Variants in RICTOR observed in about 807,000 individuals in gnomAD.
RICTOR encodes rapamycin-insensitive companion of mTOR.
A neutral mutation model predicts 214.9 loss-of-function variants in RICTOR; 49 were observed. That is an observed-to-expected ratio of 0.23 (90% CI 0.18 to 0.29). RICTOR has a LOEUF of 0.29. Among genes scored for constraint, RICTOR ranks in the 10% least tolerant of loss-of-function variants. RICTOR has a pLI of 1.00. For missense variants in RICTOR, 1,625 were observed against 2,047.0 expected (o/e 0.79, Z 3.98); for synonymous variants, 717 against 711.3 (o/e 1.01, Z -0.13).
At chr5:39,004,500 C>A (rs1020477746) in intron 3 of RICTOR, among the ~76,000 whole-genome samples, 3 of 150,688 alleles carry the variant, frequency 2.0e-5, no homozygotes, top group African/African-American at 7.3e-5. Flanking sequence ...CACTCTGTCA[C>A]CCAGGCTGGA....
At chr5:38,994,419 TAA>T (rs869254811) in intron 6 of RICTOR, among the ~76,000 whole-genome samples, 1,678 of 56,996 alleles carry the variant, frequency 0.029, 19 homozygotes, top group Middle Eastern at 0.037. Context: ...AAGGTTTTAC[TAA>T]AAAAAAAAAA....
At chr5:38,994,233 T>C (rs1476185817) in intron 6 of RICTOR, among the ~76,000 whole-genome samples, 1 of 151,214 alleles carries the variant, frequency 6.6e-6, no homozygotes, top group Non-Finnish European at 1.5e-5. Context: ...TCAGGATATG[T>C]GTACAAGGTG....
At chr5:39,048,710 G>C (rs1321161892) in intron 2 of RICTOR, among the ~76,000 whole-genome samples, 1 of 152,096 alleles carries the variant, frequency 6.6e-6, no homozygotes, top group Non-Finnish European at 1.5e-5. Context: ...GAGTTCTAGT[G>C]AATCACTGAA....
chr5:39,060,264 A>T (rs1758453877), intron 2 of RICTOR, among the ~76,000 whole-genome samples: 1 of 152,114 alleles, frequency 6.6e-6, no homozygotes. Flanking sequence ...AATTCAAAGT[A>T]TGTATCATCA....
In RICTOR at chr5:38,978,610, C is replaced by A. The variant is rs2150054964; in HGVS notation, c.794G>T (p.Ser265Ile). 6.4e-7 allele frequency: 1 copy of A among 1,572,154 alleles called. No homozygotes were observed. Among genetic ancestry groups the A allele is most frequent in the Non-Finnish European group, 8.7e-7 (1 of 1,148,258 alleles). ...GAGCTGTCCTTCAGCTGTATCTGGACTATGTCTGTAGTGAAAATCAGTATA... is the reference window on the plus strand; with the variant it reads ...GAGCTGTCCTTCAGCTGTATCTGGAATATGTCTGTAGTGAAAATCAGTATA... ...APYTDFHYRH[S>I]PDTAEGQLKE... The change falls in exon 9 of 38, where the codon AGT becomes ATT. Residue 265 changes from serine (S) to isoleucine (I), a missense_variant. Ser to Ile is a moderately radical substitution (Grantham distance 142, BLOSUM62 -2). Coordinates refer to ENST00000357387, the MANE Select transcript of RICTOR (RefSeq NM_152756.5).
chr5:38,996,366 G>A (rs1014806170), intron 6 of RICTOR, among the ~76,000 whole-genome samples: 1 of 151,978 alleles, frequency 6.6e-6, no homozygotes, highest in African/African-American at 2.4e-5. Context: ...CCTGTACAAG[G>A]GCCTGAATTG....
intron 2 of RICTOR, among the ~76,000 whole-genome samples, chr5:39,047,924 A>T (rs1233767171): frequency 6.6e-6 from 1 of 152,248 alleles, no homozygotes; most frequent in Non-Finnish European, 1.5e-5. Context: ...TGAAGTATAA[A>T]TTTAGATCTT....
At chr5:38,988,724 T>C (rs1028536116) in intron 7 of RICTOR, among the ~76,000 whole-genome samples, 7 of 152,090 alleles carry the variant, frequency 4.6e-5, no homozygotes, top group Non-Finnish European at 8.8e-5. Context: ...ACACCAATAA[T>C]AGACAGAGAG....
intron 6 of RICTOR, among the ~76,000 whole-genome samples, chr5:38,994,575 G>A (rs1366807417): frequency 1.3e-5 from 2 of 152,158 alleles, no homozygotes; most frequent in East Asian, 3.9e-4. Flanking sequence ...AAAGCCCTGT[G>A]CCACAATTCT....
intron 2 of RICTOR, among the ~76,000 whole-genome samples, chr5:39,028,478 G>A (rs1406350627): frequency 1.3e-5 from 2 of 152,058 alleles, no homozygotes; most frequent in Non-Finnish European, 2.9e-5. Flanking sequence ...CACCGCGCCC[G>A]GCCTGGAATT....
In RICTOR at chr5:38,987,446, G is replaced by A. The variant is rs145722608; in HGVS notation, c.583+3503C>T. Among the ~76,000 whole-genome samples, 217 of 152,206 alleles carry A rather than the reference G, an allele frequency of 1.4e-3. 1 individual carries two copies. Among genetic ancestry groups the A allele is most frequent in the African/African-American group, 4.8e-3 (200 of 41,530 alleles). On this transcript the variant is annotated intron_variant, in intron 7 of 37. Transcript: ENST00000357387. ...CTTCTTGGTTTAGTCTTGGGAGGGCGTATGTGTCCAGGAATTTATCCATTT... is the reference window on the plus strand; with the variant it reads ...CTTCTTGGTTTAGTCTTGGGAGGGCATATGTGTCCAGGAATTTATCCATTT...
At chr5:39,010,886 C>G (rs1754454528) in intron 3 of RICTOR, among the ~76,000 whole-genome samples, 2 of 152,090 alleles carry the variant, frequency 1.3e-5, no homozygotes, top group South Asian at 4.1e-4. Flanking sequence ...AAAAGTGAAG[C>G]AGAGCATAAA....
chr5:39,000,455 C>T (rs1222744815), intron 5 of RICTOR, among the ~76,000 whole-genome samples: 4 of 151,704 alleles, frequency 2.6e-5, no homozygotes. Context: ...ATAAAGAGAA[C>T]AATATATCAC....
chr5:39,010,818 T>A (rs1754449064), intron 3 of RICTOR, among the ~76,000 whole-genome samples: 1 of 152,210 alleles, frequency 6.6e-6, no homozygotes, highest in Non-Finnish European at 1.5e-5. Context: ...GGGTGCTCTT[T>A]AAAACATTCA....
intron 21 of RICTOR, among the ~76,000 whole-genome samples, 175 bp from the exon 22 acceptor site, chr5:38,959,496 T>C (rs1196262628): frequency 1.3e-5 from 2 of 152,322 alleles, no homozygotes; most frequent in African/African-American, 4.8e-5. Context: ...CCACAATCAA[T>C]GAACACATCA....
chr5:39,044,547 A>T (rs1249461164), intron 2 of RICTOR, among the ~76,000 whole-genome samples: 1 of 152,186 alleles, frequency 6.6e-6, no homozygotes, highest in Non-Finnish European at 1.5e-5. Context: ...TTCAAAATGT[A>T]TCTACTTCCC....
intron 10 of RICTOR, among the ~76,000 whole-genome samples, chr5:38,974,873 T>C (rs1216674723): frequency 1.3e-5 from 2 of 152,188 alleles, no homozygotes; most frequent in African/African-American, 2.4e-5. Context: ...TTTAGGTGAA[T>C]TTCCTTTTTT....
Position 38,959,959 on chromosome 5 carries a change from T to G in RICTOR, c.1871A>C (p.Glu624Ala). ...CTGAACAATATCCTTTACTAGATCT[T>G]CTAAGTAGCCTTGCCCATCCTAAAA... is the stretch of plus-strand genomic sequence containing the variant. ...ESEEDGQGYL[E>A]DLVKDIVQWL... Residue 624 changes from glutamate to alanine, a missense_variant, in exon 21 of 38, where the codon GAA becomes GCA. Transcript: ENST00000357387. The G allele has an allele frequency of 6.2e-7, 1 of 1,610,142 alleles. No individual in the cohort carries two copies. Among genetic ancestry groups the G allele is most frequent in the South Asian group, 1.1e-5 (1 of 91,000 alleles).
chr5:39,032,099 A>G (rs552852989), intron 2 of RICTOR, among the ~76,000 whole-genome samples: 167 of 152,322 alleles, frequency 1.1e-3, no homozygotes, highest in South Asian at 2.1e-3. Context: ...AGTTTATGAT[A>G]AAATAACTAT....
Sources: gnomAD v4.1 joint callset for allele counts (sites outside exome capture counted in the v4.1 genomes callset) on GRCh38, gnomAD v4.1.1 for gene constraint, MANE v1.5 for transcripts, NCBI Gene and HGNC (gene_info 2026-07-23, HGNC 2026-07-21) for gene names.